Variants in LRRC57 observed in about 807,000 individuals in gnomAD.
LRRC57 encodes leucine-rich repeat-containing protein 57.
In LRRC57, 14 loss-of-function variants were observed where a neutral mutation model predicts 23.1. That is an observed-to-expected ratio of 0.61 (90% CI 0.40 to 0.95). The LOEUF is 0.95. Among genes scored for constraint, LRRC57 ranks in the 40% least tolerant of loss-of-function variants. LRRC57 has a pLI of 0.00. For synonymous variants in LRRC57, 106 were observed against 115.2 expected (o/e 0.92, Z 0.51); for missense variants, 236 against 284.4 (o/e 0.83, Z 1.22).
At chr15:42,544,549 G>A (rs538040051) in intron 5 of LRRC57, among the ~76,000 whole-genome samples, 1 of 151,794 alleles carries the variant, frequency 6.6e-6, no homozygotes, top group Non-Finnish European at 1.5e-5. Context: ...AGGGCCGGGT[G>A]TGGTGGCTTA....
chr15:42,547,721 G>C (rs2057668229), intron 3 of LRRC57, 192 bp from the exon 4 acceptor site: 2 of 612,740 alleles, frequency 3.3e-6, no homozygotes, highest in Non-Finnish European at 5.6e-6. Context: ...CAAAATGCCG[G>C]AGAGCATTTG....
chr15:42,544,138 AAG>A lies in LRRC57; in HGVS notation c.679-16_679-15del. 1 of 1,604,522 alleles carries A rather than the reference AAG, an allele frequency of 6.2e-7. No homozygotes were observed. Among genetic ancestry groups the A allele is most frequent in the Non-Finnish European group, 8.5e-7 (1 of 1,173,788 alleles). ...CCTCTCCATGTACTAAAAAACATGA[AAG>A]AATACATAAGGGGTATTTTGGCATG... On this transcript the variant is annotated splice_polypyrimidine_tract_variant and intron_variant, in intron 5 of 5. Transcript: ENST00000397130.
At chr15:42,547,145 T>G in intron 4 of LRRC57, 116 bp downstream of exon 4, 1 of 1,166,168 alleles carries the variant, frequency 8.6e-7, no homozygotes, top group South Asian at 1.5e-5. Context: ...AACCTCTCAT[T>G]TAGCCTCTGA....
the LRRC57 span, chr15:42,532,187 G>C: frequency 2.6e-5 from 4 of 152,142 alleles, no homozygotes; most frequent in African/African-American, 9.7e-5. Flanking sequence ...CGCCTCCCTG[G>C]TTCAAGCAAT....
chr15:42,532,762 A>C, the LRRC57 span: 1 of 152,654 alleles, frequency 6.6e-6, no homozygotes, highest in Non-Finnish European at 1.5e-5. Flanking sequence ...GATTGCTTTG[A>C]GTTTTATGTA....
downstream of LRRC57, among the ~76,000 whole-genome samples, chr15:42,536,380 A>C (rs1287067312): frequency 1.3e-5 from 2 of 152,218 alleles, no homozygotes; most frequent in South Asian, 4.1e-4. Context: ...TAACACAGGT[A>C]AAGCACTTAG....
intron 4 of LRRC57, among the ~76,000 whole-genome samples, chr15:42,546,510 T>C (rs761378193): frequency 1.4e-4 from 21 of 152,178 alleles, no homozygotes; most frequent in Non-Finnish European, 2.9e-4. Context: ...GTAAAATCAC[T>C]ACAATCTAGA....
At chr15:42,544,842 C>CACAATATATATATATATATATATA in intron 5 of LRRC57, among the ~76,000 whole-genome samples, 14 of 98,044 alleles carry the variant, frequency 1.4e-4, no homozygotes, top group African/African-American at 5.3e-4. Context: ...CACACACACA[C>CACAATATATATATATATATATATA]TATATATATA....
In LRRC57 at chr15:42,541,852, CG is replaced by C. The variant is rs1332916163; in HGVS notation, c.*2230del. 9.2e-5 allele frequency: 14 copies of C among 151,616 alleles called. No individual in the cohort carries two copies. Among genetic ancestry groups the C allele is most frequent in the African/African-American group, 3.4e-4 (14 of 41,326 alleles). The allele number at this position is 151,616 out of a possible 1,614,324, so 9.4% of individuals were successfully genotyped here. A position where few individuals can be genotyped will look rare whatever the true frequency, so the allele number is the denominator to read the frequency against. On this transcript the variant is annotated 3_prime_UTR_variant, in exon 6 of 6. Coordinates refer to ENST00000397130, the MANE Select transcript of LRRC57 (RefSeq NM_153260.3). ...TCCGCTCACTGCAAGCTCCGCCTCC[CG>C]GGTTCACGCCATTCTCCTGCCTCAG...
rs1373441866 is a variant in LRRC57 at position 42,548,401 on chromosome 15, T to C, written c.34A>G (p.Thr12Ala). The C allele has an allele frequency of 1.2e-6, 2 of 1,614,172 alleles. No individual in the cohort carries two copies. The highest frequency in any genetic ancestry group is 8.5e-7 in the Non-Finnish European group (1 of 1,180,046). Residue 12 changes from threonine to alanine, a missense_variant, in exon 2 of 6, where the codon ACG (threonine) becomes GCG (alanine). By Grantham distance (58) the Thr-to-Ala change is moderately conservative. Transcript: ENST00000397130. ...TGAAAGACACCAGTTTTCTGCGCCGTTTCCACATGAGCGCGGAGCGCACTG... is the reference window on the plus strand; with the variant it reads ...TGAAAGACACCAGTTTTCTGCGCCGCTTCCACATGAGCGCGGAGCGCACTG... Reference protein sequence around the residue: ...GNSALRAHVETAQKTGVFQLK... With the variant: ...GNSALRAHVEAAQKTGVFQLK...
the LRRC57 span, chr15:42,532,392 CTT>C: frequency 1.3e-5 from 2 of 152,106 alleles, no homozygotes; most frequent in Admixed American, 1.3e-4. Context: ...GCTGAGTTTT[CTT>C]AAAGTGAGCT....
downstream of LRRC57, among the ~76,000 whole-genome samples, chr15:42,537,233 T>TCACACACACACACACACACACACACA (rs71108166): frequency 2.9e-5 from 4 of 136,504 alleles, no homozygotes; most frequent in African/African-American, 1.2e-4. Context: ...TCTCTCTCTC[T>TCACACACACACACACACACACACACA]CACACACACA....
chr15:42,546,732 TAATTAAA>T (rs2141580858), intron 4 of LRRC57, among the ~76,000 whole-genome samples: 1 of 152,288 alleles, frequency 6.6e-6, no homozygotes, highest in Non-Finnish European at 1.5e-5. Flanking sequence ...TCAAATATTA[TAATTAAA>T]GCTGTACAAC....
In LRRC57 at chr15:42,540,715, G is replaced by C. The variant is rs2057624519; in HGVS notation, c.*3368C>G. 1 of 152,144 alleles carries C rather than the reference G, an allele frequency of 6.6e-6. No homozygotes were observed. The highest frequency in any genetic ancestry group is 2.1e-4 in the South Asian group (1 of 4,824). The allele number at this position is 152,144 out of a possible 1,614,324, so 9.4% of individuals were successfully genotyped here. On this transcript the variant is annotated 3_prime_UTR_variant, in exon 6 of 6. Coordinates refer to ENST00000397130, the MANE Select transcript of LRRC57 (RefSeq NM_153260.3). Reference sequence around the variant, plus strand: ...TAAACTCCAATTAATAATTAAATGGGAACATTTAAATTGTTAAATGTATAA... The same window carrying C: ...TAAACTCCAATTAATAATTAAATGGCAACATTTAAATTGTTAAATGTATAA...
chr15:42,544,755 G>A (rs910178313), intron 5 of LRRC57, among the ~76,000 whole-genome samples: 1 of 149,502 alleles, frequency 6.7e-6, no homozygotes, highest in Non-Finnish European at 1.5e-5. Flanking sequence ...TGAAGGCTGC[G>A]CCAGTGAGCT....
chr15:42,529,521 T>C, the LRRC57 span, among the ~76,000 whole-genome samples: 1 of 152,248 alleles, frequency 6.6e-6, no homozygotes, highest in Admixed American at 6.5e-5. Context: ...TCCCAGTTTT[T>C]ATTATAGAAT....
chr15:42,548,483 C>G (rs1480741911), intron 1 of LRRC57, 27 bp from the exon 2 acceptor site: 1 of 1,589,130 alleles, frequency 6.3e-7, no homozygotes, highest in Non-Finnish European at 8.6e-7. Flanking sequence ...CTGCTGTCAC[C>G]GCCCAGTCCA....
At chr15:42,530,020 A>T in the LRRC57 span, among the ~76,000 whole-genome samples, 17 of 152,218 alleles carry the variant, frequency 1.1e-4, no homozygotes, top group Admixed American at 1.1e-3. Flanking sequence ...TTTTGAAACC[A>T]GAGTTTTGGA....
downstream of LRRC57, among the ~76,000 whole-genome samples, chr15:42,536,984 A>G (rs2057603424): frequency 6.6e-6 from 1 of 152,006 alleles, no homozygotes. Context: ...CTTCAGTTTT[A>G]ATTCATCTTT....
Sources: gnomAD v4.1 joint callset for allele counts (sites outside exome capture counted in the v4.1 genomes callset) on GRCh38, gnomAD v4.1.1 for gene constraint, MANE v1.5 for transcripts, NCBI Gene and HGNC (gene_info 2026-07-23, HGNC 2026-07-21) for gene names.